Variants in SUMO2 observed in about 807,000 individuals in gnomAD.
SUMO2 encodes the protein small ubiquitin-related modifier 2.
A neutral mutation model predicts 16.0 loss-of-function variants in SUMO2; 1 was observed. The observed-to-expected ratio is 0.06, with a 90% CI of 0.02 to 0.30. The LOEUF is 0.30. Among genes scored for constraint, SUMO2 ranks in the 10% least tolerant of loss-of-function variants. The pLI is 1.00. For missense variants in SUMO2, 16 were observed against 117.5 expected, an observed-to-expected ratio of 0.14 and a Z score of 3.99; for synonymous variants, 36 against 40.6, an observed-to-expected ratio of 0.89 and a Z score of 0.43.
At chr17:75,179,141 A>G (rs1047712757) in intron 2 of SUMO2, among the ~76,000 whole-genome samples, 1 of 152,224 alleles carries the variant, frequency 6.6e-6, no homozygotes, top group Non-Finnish European at 1.5e-5. Flanking sequence ...AAGGGGCACT[A>G]GTGTTCAAAT....
At chr17:75,170,004 AAAC>A (rs1277073100) in intron 3 of SUMO2, among the ~76,000 whole-genome samples, 1 of 151,352 alleles carries the variant, frequency 6.6e-6, no homozygotes, top group African/African-American at 2.4e-5. Flanking sequence ...AAAATACAAA[AAAC>A]AAAACAAAAA....
intron 1 of SUMO2, among the ~76,000 whole-genome samples, chr17:75,181,454 T>A (rs2074828041): frequency 6.6e-6 from 1 of 152,164 alleles, no homozygotes; most frequent in African/African-American, 2.4e-5. Context: ...TCCTATTCAG[T>A]GTATTGCAAC....
At chr17:75,172,739 T>C (rs2074751554) in intron 3 of SUMO2, among the ~76,000 whole-genome samples, 1 of 151,940 alleles carries the variant, frequency 6.6e-6, no homozygotes, top group Admixed American at 6.6e-5. Flanking sequence ...CCTCCCAAAG[T>C]GCTGGGATCA....
At chr17:75,179,544 A>G (rs950433117) in intron 2 of SUMO2, among the ~76,000 whole-genome samples, 7 of 151,328 alleles carry the variant, frequency 4.6e-5, no homozygotes, top group Non-Finnish European at 1.0e-4. Context: ...AAAAAAAAAA[A>G]AGGTATCTTT....
intron 3 of SUMO2, 99 bp downstream of exon 3, chr17:75,174,653 A>T: frequency 8.8e-7 from 1 of 1,137,000 alleles, no homozygotes; most frequent in South Asian, 1.4e-5. Flanking sequence ...TGAACTCTAC[A>T]AGAACTTATA....
chr17:75,174,961 T>C (rs867549152), intron 2 of SUMO2, 138 bp from the exon 3 acceptor site: 21 of 716,690 alleles, frequency 2.9e-5, no homozygotes, highest in Admixed American at 5.9e-5. Flanking sequence ...ACATACCCTA[T>C]AGGTAAAAAG....
Position 75,166,031 on chromosome 17 carries a change from AAAAC to A in SUMO2, c.*2304_*2307del. 1 of 148,240 alleles carries A rather than the reference AAAAC, an allele frequency of 6.7e-6. No individual in the cohort carries two copies. Among genetic ancestry groups the A allele is most frequent in the Non-Finnish European group, 1.5e-5 (1 of 65,292 alleles). 9.2% of individuals were successfully genotyped at this position (148,240 alleles called of 1,614,324 possible). Reference sequence around the variant, plus strand: ...ACAGAGCAAGACTCCGTCTGAAAAAAAAACAAAAACAAAAACAAAAACTGTAGTG... The same window carrying A: ...ACAGAGCAAGACTCCGTCTGAAAAAAAAAAACAAAAACAAAAACTGTAGTG... On this transcript the variant is annotated 3_prime_UTR_variant, in exon 4 of 4. Coordinates refer to ENST00000420826, the MANE Select transcript of SUMO2 (RefSeq NM_006937.4).
intron 2 of SUMO2, among the ~76,000 whole-genome samples, chr17:75,179,723 G>C (rs997367424): frequency 6.7e-6 from 1 of 150,230 alleles, no homozygotes; most frequent in Non-Finnish European, 1.5e-5. Context: ...GCAGTGGTGT[G>C]ATCTTGGCTC....
chr17:75,169,144 A>C (rs2043534698), intron 3 of SUMO2, among the ~76,000 whole-genome samples: 1 of 151,770 alleles, frequency 6.6e-6, no homozygotes, highest in African/African-American at 2.4e-5. Flanking sequence ...AGGTGGGAGG[A>C]TCAATTGAGC....
At chr17:75,180,159 A>G (rs1378369315) in intron 2 of SUMO2, among the ~76,000 whole-genome samples, 1 of 149,520 alleles carries the variant, frequency 6.7e-6, no homozygotes. Flanking sequence ...TACTAAAAAT[A>G]CAAAATTAGC....
chr17:75,180,992 T>C, intron 2 of SUMO2, 65 bp downstream of exon 2: 1 of 1,592,158 alleles, frequency 6.3e-7, no homozygotes, highest in Non-Finnish European at 8.6e-7. Context: ...TAGTTTTTGT[T>C]CCCATGAAAA....
At chr17:75,177,089 A>AG (rs1218233984) in intron 2 of SUMO2, among the ~76,000 whole-genome samples, 6 of 151,008 alleles carry the variant, frequency 4.0e-5, no homozygotes, top group Non-Finnish European at 5.9e-5. Context: ...CCGGAGGTTG[A>AG]GGGGGGAAAA....
At chr17:75,177,534 T>C (rs201000963) in intron 2 of SUMO2, among the ~76,000 whole-genome samples, 1 of 151,784 alleles carries the variant, frequency 6.6e-6, no homozygotes, top group East Asian at 1.9e-4. Flanking sequence ...AATACAAAAT[T>C]AGCCAGGCGT....
chr17:75,180,479 G>A (rs1052152293), intron 2 of SUMO2, among the ~76,000 whole-genome samples: 24 of 143,710 alleles, frequency 1.7e-4, no homozygotes, highest in Admixed American at 1.2e-3. Flanking sequence ...TTGGAAGGCC[G>A]AGGCGGGCGG....
At chr17:75,180,450 T>C (rs1474751474) in intron 2 of SUMO2, among the ~76,000 whole-genome samples, 1 of 130,626 alleles carries the variant, frequency 7.7e-6, no homozygotes, top group African/African-American at 2.8e-5. Flanking sequence ...CGGTGGCTCA[T>C]GCTTGTAATC....
intron 3 of SUMO2, among the ~76,000 whole-genome samples, chr17:75,173,441 G>C (rs1568046459): frequency 6.6e-6 from 1 of 151,824 alleles, no homozygotes; most frequent in East Asian, 1.9e-4. Flanking sequence ...TAGGACTACA[G>C]GTGTGAGCCA....
intron 1 of SUMO2, among the ~76,000 whole-genome samples, chr17:75,181,492 T>A (rs1310773067): frequency 6.6e-6 from 1 of 152,118 alleles, no homozygotes; most frequent in Non-Finnish European, 1.5e-5. Flanking sequence ...CTTCCTAAAA[T>A]GACATATATC....
intron 2 of SUMO2, among the ~76,000 whole-genome samples, chr17:75,177,866 A>T (rs1168924670): frequency 6.6e-6 from 1 of 150,572 alleles, no homozygotes. Flanking sequence ...GTAGGTGCCT[A>T]TAATCCCACC....
At chr17:75,175,771 T>C (rs2074777833) in intron 2 of SUMO2, among the ~76,000 whole-genome samples, 1 of 151,594 alleles carries the variant, frequency 6.6e-6, no homozygotes, top group South Asian at 2.1e-4. Context: ...TAGCTGGGAT[T>C]ACAGGCGCTT....
Sources: gnomAD v4.1 joint callset for allele counts (sites outside exome capture counted in the v4.1 genomes callset) on GRCh38, gnomAD v4.1.1 for gene constraint, MANE v1.5 for transcripts, NCBI Gene and HGNC (gene_info 2026-07-23, HGNC 2026-07-21) for gene names.